XRCC5: variants seen among roughly 807,000 people sequenced by gnomAD.
XRCC5 encodes DNA repair protein Ku80.
Under a neutral mutation model 95.7 loss-of-function variants are expected in XRCC5, and 12 were observed. The observed-to-expected ratio is 0.13, with a 90% CI of 0.08 to 0.20. The LOEUF is 0.20. Among genes scored for constraint, XRCC5 ranks in the 10% least tolerant of loss-of-function variants. The probability of loss-of-function intolerance (pLI) is 1.00; values close to 1 mark genes in which losing one functional copy is unlikely to be tolerated. For synonymous variants in XRCC5, 281 were observed against 290.3 expected, an observed-to-expected ratio of 0.97 and a Z score of 0.33; for missense variants, 595 against 873.9, an observed-to-expected ratio of 0.68 and a Z score of 4.02.
chr2:216,160,048 A>ATT lies in XRCC5; in HGVS notation c.1671-11_1671-10dup, dbSNP rs557710018. ...TTTTGTATTGTTTGTTCTAAGAGAAATTTTTTTTTTCTTTTCTAGCCATGA... is the reference window on the plus strand; with the variant it reads ...TTTTGTATTGTTTGTTCTAAGAGAAATTTTTTTTTTTTCTTTTCTAGCCATGA... On this transcript the variant is annotated intron_variant, in intron 14 of 20. Coordinates refer to ENST00000392132, the MANE Select transcript of XRCC5 (RefSeq NM_021141.4). The ATT allele has an allele frequency of 8.4e-6, 12 of 1,432,554 alleles. No individual in the cohort carries two copies. The highest frequency in any genetic ancestry group is 1.3e-5 in the South Asian group (1 of 77,610). 88.7% of individuals were successfully genotyped at this position (1,432,554 alleles called of 1,614,324 possible). A position where few individuals can be genotyped will look rare whatever the true frequency, so the allele number is the denominator to read the frequency against.
chr2:216,171,750 CT>C (rs887936962), intron 16 of XRCC5, among the ~76,000 whole-genome samples: 2 of 152,220 alleles, frequency 1.3e-5, no homozygotes, highest in Non-Finnish European at 2.9e-5. Flanking sequence ...GTAAGATACA[CT>C]GTCTAAGTTT....
chr2:216,143,594 G>A (rs1033064976), intron 13 of XRCC5, among the ~76,000 whole-genome samples: 2 of 151,998 alleles, frequency 1.3e-5, no homozygotes, highest in Admixed American at 6.5e-5. Flanking sequence ...AGTTTTTAAT[G>A]TGGCTTATCT....
At chr2:216,201,972 T>C (rs954266223) in intron 19 of XRCC5, among the ~76,000 whole-genome samples, 6 of 152,252 alleles carry the variant, frequency 3.9e-5, no homozygotes, top group Non-Finnish European at 8.8e-5. Context: ...GGAAAATCAG[T>C]TGCAGACGAT....
intron 13 of XRCC5, 86 bp from the exon 14 acceptor site, chr2:216,147,997 T>C: frequency 7.0e-7 from 1 of 1,436,350 alleles, no homozygotes; most frequent in Non-Finnish European, 9.5e-7. Context: ...CCTCCCACAC[T>C]AAAGATGGAG....
chr2:216,126,155 C>A, intron 7 of XRCC5, 124 bp downstream of exon 7: 1 of 742,000 alleles, frequency 1.3e-6, no homozygotes. Context: ...TAGTTGTTCT[C>A]CCTGCTCATT....
chr2:216,165,391 A>G (rs1359324286), intron 16 of XRCC5, among the ~76,000 whole-genome samples: 1 of 152,212 alleles, frequency 6.6e-6, no homozygotes, highest in Admixed American at 6.5e-5. Flanking sequence ...TAGTGATGTC[A>G]CAAAACCAGA....
intron 14 of XRCC5, among the ~76,000 whole-genome samples, chr2:216,152,562 C>T (rs922461176): frequency 5.9e-5 from 9 of 151,982 alleles, no homozygotes; most frequent in Admixed American, 3.3e-4. Flanking sequence ...TACCTCCCTT[C>T]TTTTCCTGTC....
intron 10 of XRCC5, among the ~76,000 whole-genome samples, chr2:216,133,531 C>T (rs974461796): frequency 6.6e-6 from 1 of 152,178 alleles, no homozygotes; most frequent in Non-Finnish European, 1.5e-5. Context: ...ACATTCTGAT[C>T]ACTTCATGAG....
chr2:216,201,957 T>C, intron 19 of XRCC5, among the ~76,000 whole-genome samples: 1 of 152,250 alleles, frequency 6.6e-6, no homozygotes, highest in East Asian at 1.9e-4. Flanking sequence ...GAAGCAGATC[T>C]GTCAGGAAAA....
In XRCC5 at chr2:216,148,257, C is replaced by A; in HGVS notation, c.1651C>A (p.Gln551Lys). ...CAAGAAAAAGGATCAAGTGACTGCT[C>A]AGGAAATTTTCCAAGACAAGTAAGT... ...EAKKKDQVTA[Q>K]EIFQDNHEDG... Residue 551 changes from glutamine (Q) to lysine (K), a missense_variant, in exon 14 of 21, where the codon CAG (glutamine) becomes AAG (lysine). Gln to Lys is a moderately conservative substitution (Grantham distance 53). Around this residue, in one of 2 missense-constraint regions of XRCC5, gnomAD observed 309 missense variants for 382.9 expected, o/e 0.81. Transcript: ENST00000392132. 6.2e-7 allele frequency: 1 copy of A among 1,609,706 alleles called. No individual in the cohort carries two copies. Among genetic ancestry groups the A allele is most frequent in the South Asian group, 1.1e-5 (1 of 90,290 alleles).
chr2:216,174,855 C>A, intron 16 of XRCC5: 1 of 265,982 alleles, frequency 3.8e-6, no homozygotes, highest in Non-Finnish European at 7.4e-6. Context: ...ACTCCTTGTT[C>A]TTTCTCCTGC....
chr2:216,116,571 C>G, intron 2 of XRCC5, 88 bp from the exon 3 acceptor site: 1 of 1,498,770 alleles, frequency 6.7e-7, no homozygotes, highest in Non-Finnish European at 9.2e-7. Context: ...ATAGGGAGGT[C>G]TGGTTGTCCT....
intron 16 of XRCC5, among the ~76,000 whole-genome samples, chr2:216,170,037 C>CAAAAAAAAAAAAAAAAAAA (rs71047982): frequency 1.9e-5 from 1 of 53,606 alleles, no homozygotes; most frequent in African/African-American, 5.4e-5. Context: ...GACTGTGTCT[C>CAAAAAAAAAAAAAAAAAAA]AAAAAAAAAA....
chr2:216,109,930 C>T (rs1349588989), intron 1 of XRCC5, among the ~76,000 whole-genome samples: 2 of 152,230 alleles, frequency 1.3e-5, no homozygotes, highest in Admixed American at 6.5e-5. Context: ...ATAACTTAAA[C>T]TGTAAAGCGT....
chr2:216,160,515 C>T (rs1295746187), intron 15 of XRCC5, among the ~76,000 whole-genome samples: 1 of 152,032 alleles, frequency 6.6e-6, no homozygotes. Context: ...TCTTCAAGTA[C>T]ACACAATTTA....
At chr2:216,197,517 A>C (rs1689750921) in intron 19 of XRCC5, among the ~76,000 whole-genome samples, 1 of 152,098 alleles carries the variant, frequency 6.6e-6, no homozygotes, top group Non-Finnish European at 1.5e-5. Flanking sequence ...ACATCATAAA[A>C]AACAAGTGGA....
At chr2:216,135,790 C>T (rs1000765598) in intron 10 of XRCC5, among the ~76,000 whole-genome samples, 1 of 140,266 alleles carries the variant, frequency 7.1e-6, no homozygotes, top group African/African-American at 2.6e-5. Flanking sequence ...CAGAGTGAGA[C>T]TCTGTCTCAA....
intron 16 of XRCC5, among the ~76,000 whole-genome samples, chr2:216,171,706 T>C (rs76285012): frequency 6.6e-6 from 1 of 152,214 alleles, no homozygotes; most frequent in African/African-American, 2.4e-5. Context: ...CCCTTGCTCT[T>C]GGAATCCAAT....
intron 16 of XRCC5, among the ~76,000 whole-genome samples, chr2:216,170,928 G>A (rs984882341): frequency 1.3e-5 from 2 of 152,106 alleles, no homozygotes; most frequent in African/African-American, 2.4e-5. Flanking sequence ...TGTCATGTAG[G>A]GTATTGTACT....
Sources: allele counts gnomAD v4.1 joint callset (sites outside exome capture counted in the v4.1 genomes callset), GRCh38; gene constraint gnomAD v4.1.1; regional missense constraint gnomAD v4.1.1; transcripts MANE v1.5; gene names NCBI Gene and HGNC (gene_info 2026-07-23, HGNC 2026-07-21).